DLC1: variants seen among roughly 807,000 people sequenced by gnomAD.
The protein encoded by DLC1 is rho GTPase-activating protein 7.
DLC1 carries 54 observed loss-of-function variants against 140.3 expected under a neutral mutation model. The ratio of observed to expected loss-of-function variants is 0.38; its 90% CI spans 0.31 to 0.48. DLC1 has a LOEUF of 0.48. Among genes scored for constraint, DLC1 ranks in the 20% least tolerant of loss-of-function variants. The probability of loss-of-function intolerance (pLI) is 0.96; values close to 1 mark genes in which losing one functional copy is unlikely to be tolerated. For synonymous variants in DLC1, 986 were observed against 728.1 expected, an observed-to-expected ratio of 1.35 and a Z score of -5.70; for missense variants, 2,536 against 1,907.0, an observed-to-expected ratio of 1.33 and a Z score of -6.14.
chr8:13,226,383 A>G (rs116105782), intron 5 of DLC1, among the ~76,000 whole-genome samples: 2,817 of 152,334 alleles, frequency 0.018, 99 homozygotes, highest in African/African-American at 0.063. Context: ...TGAATGACAC[A>G]AATAACCACA....
At chr8:13,190,137 T>C (rs1270394039) in intron 5 of DLC1, among the ~76,000 whole-genome samples, 3 of 152,230 alleles carry the variant, frequency 2.0e-5, no homozygotes, top group Non-Finnish European at 2.9e-5. Context: ...AGGTAAACGA[T>C]GTAAAGACTA....
intron 2 of DLC1, among the ~76,000 whole-genome samples, chr8:13,402,873 T>C (rs555460991): frequency 6.6e-6 from 1 of 152,336 alleles, no homozygotes; most frequent in Non-Finnish European, 1.5e-5. Context: ...TGTGGGTTAA[T>C]CTAATTTTAT....
chr8:13,470,638 G>C (rs773503233), intron 2 of DLC1, among the ~76,000 whole-genome samples: 4 of 152,140 alleles, frequency 2.6e-5, no homozygotes, highest in Non-Finnish European at 4.4e-5. Flanking sequence ...GGAAACTTTT[G>C]TACACTGTTG....
At chr8:13,545,845 G>C (rs1803633472) in intron 1 of DLC1, among the ~76,000 whole-genome samples, 1 of 152,008 alleles carries the variant, frequency 6.6e-6, no homozygotes, top group African/African-American at 2.4e-5. Context: ...AAAGAATTTG[G>C]AATCCAATGT....
At chr8:13,450,173 A>C (rs1410639597) in intron 2 of DLC1, among the ~76,000 whole-genome samples, 3 of 152,058 alleles carry the variant, frequency 2.0e-5, no homozygotes, top group Admixed American at 6.6e-5. Context: ...AACCAAGGAG[A>C]GGCCAGGCAT....
chr8:13,255,037 C>T (rs917938492), intron 5 of DLC1, among the ~76,000 whole-genome samples: 13 of 151,644 alleles, frequency 8.6e-5, no homozygotes, highest in South Asian at 8.4e-4. Flanking sequence ...AGTGCAGTGG[C>T]GCAATCTCGG....
At chr8:13,497,017 G>T (rs1801546101) in intron 2 of DLC1, among the ~76,000 whole-genome samples, 1 of 151,856 alleles carries the variant, frequency 6.6e-6, no homozygotes, top group Admixed American at 6.6e-5. Flanking sequence ...AGCCGGGATG[G>T]TCTCGATCTC....
intron 2 of DLC1, among the ~76,000 whole-genome samples, chr8:13,483,987 A>G (rs1198091747): frequency 2.0e-5 from 3 of 152,082 alleles, no homozygotes; most frequent in African/African-American, 7.2e-5. Flanking sequence ...GGCTGAGGCA[A>G]GAGAATCGAT....
At chr8:13,090,857 G>A (rs183806305) in intron 14 of DLC1, among the ~76,000 whole-genome samples, 1 of 146,822 alleles carries the variant, frequency 6.8e-6, no homozygotes, top group Admixed American at 6.8e-5. Flanking sequence ...CTAGTGGAGT[G>A]CAGTGGCAAA....
intron 7 of DLC1, among the ~76,000 whole-genome samples, chr8:13,104,600 A>ATTATGATTAAAT (rs1819400644): frequency 1.3e-5 from 2 of 152,184 alleles, no homozygotes; most frequent in South Asian, 4.1e-4. Context: ...CATTTTCATA[A>ATTATGATTAAAT]GATCAGATCA....
intron 5 of DLC1, chr8:13,276,396 C>G (rs533338231): frequency 2.0e-5 from 29 of 1,486,534 alleles, no homozygotes; most frequent in Non-Finnish European, 2.5e-5. Flanking sequence ...CTTGGGGTCC[C>G]CCATCCGCTC....
chr8:13,245,529 T>C (rs1014321328), intron 5 of DLC1, among the ~76,000 whole-genome samples: 3 of 152,196 alleles, frequency 2.0e-5, no homozygotes, highest in Non-Finnish European at 4.4e-5. Flanking sequence ...CACCCTCTCA[T>C]TCTTCCTTGT....
rs143424839 is a variant in DLC1 at position 13,571,524 on chromosome 8, A to G, written c.-126+33013T>C. ...TCATCCAAGTTGTAGCATGTATCAG[A>G]ACCTCATTTTTATAGCTGAGTAATA... On this transcript the variant is annotated intron_variant, in intron 1 of 1. Transcript: ENST00000631382. Among the ~76,000 whole-genome samples the G allele has an allele frequency of 2.7e-3, 409 of 152,362 alleles. 3 individuals carry two copies. Among genetic ancestry groups the G allele is most frequent in the African/African-American group, 9.0e-3 (373 of 41,582 alleles).
intron 2 of DLC1, among the ~76,000 whole-genome samples, chr8:13,450,608 C>A (rs1264767178): frequency 6.6e-6 from 1 of 151,954 alleles, no homozygotes; most frequent in East Asian, 1.9e-4. Flanking sequence ...ATTTTCTCAA[C>A]TTTTTAATTT....
intron 5 of DLC1, among the ~76,000 whole-genome samples, chr8:13,236,474 C>G (rs1472678647): frequency 1.3e-5 from 2 of 152,092 alleles, no homozygotes; most frequent in Non-Finnish European, 2.9e-5. Flanking sequence ...ATTAGCCTAT[C>G]AACCTTGTCC....
intron 5 of DLC1, among the ~76,000 whole-genome samples, chr8:13,283,273 G>A (rs1280327580): frequency 2.0e-5 from 3 of 151,254 alleles, no homozygotes; most frequent in Non-Finnish European, 4.4e-5. Flanking sequence ...CGACTTCTGT[G>A]TACCAAGGGA....
At chr8:13,281,154 G>A (rs933834938) in intron 5 of DLC1, among the ~76,000 whole-genome samples, 1 of 152,186 alleles carries the variant, frequency 6.6e-6, no homozygotes, top group Non-Finnish European at 1.5e-5. Context: ...GACTGTTTTT[G>A]TTTTGAAATG....
At chr8:13,319,879 C>G (rs1623823) in intron 4 of DLC1, among the ~76,000 whole-genome samples, 135,018 of 143,766 alleles carry the variant, frequency 0.94, 63,776 homozygotes, top group East Asian at 1. Flanking sequence ...CTGCAGTGCA[C>G]TGGTGTAATC....
intron 5 of DLC1, among the ~76,000 whole-genome samples, chr8:13,288,800 G>T (rs538833330): frequency 6.6e-6 from 1 of 152,156 alleles, no homozygotes; most frequent in African/African-American, 2.4e-5. Flanking sequence ...GTAAGAAGTG[G>T]GTAGGGAAGA....
Sources: allele counts gnomAD v4.1 joint callset (sites outside exome capture counted in the v4.1 genomes callset), GRCh38; gene constraint gnomAD v4.1.1; transcripts MANE v1.5; gene names NCBI Gene and HGNC (gene_info 2026-07-23, HGNC 2026-07-21).